The following PCSK6 variants were observed in gnomAD, a reference collection of about 807,000 sequenced individuals.
PCSK6 encodes the protein proprotein convertase subtilisin/kexin type 6.
Under a neutral mutation model 123.3 loss-of-function variants are expected in PCSK6, and 85 were observed. The observed-to-expected ratio is 0.69, with a 90% CI of 0.58 to 0.83. PCSK6 has a LOEUF of 0.83. Ranked by LOEUF, PCSK6 falls within the 40% of genes least tolerant of loss-of-function variation. The pLI is 0.00. For missense variants in PCSK6, 1,191 were observed against 1,282.3 expected, an observed-to-expected ratio of 0.93 and a Z score of 1.09; for synonymous variants, 508 against 516.0, an observed-to-expected ratio of 0.98 and a Z score of 0.21.
chr15:101,380,828 T>C (rs991070446), intron 11 of PCSK6, among the ~76,000 whole-genome samples: 3 of 152,246 alleles, frequency 2.0e-5, no homozygotes, highest in Non-Finnish European at 4.4e-5. Flanking sequence ...CCTGTATTTG[T>C]TGATAAAGAA....
At chr15:101,308,130 G>C (rs529601322) in intron 20 of PCSK6, 1 of 152,256 alleles carries the variant, frequency 6.6e-6, no homozygotes, top group Non-Finnish European at 1.5e-5. Context: ...GATGCGGGCC[G>C]AGTGCTTGAA....
In PCSK6 at chr15:101,357,680, T is replaced by C. The variant is rs1012994885; in HGVS notation, c.1858+8516A>G. Among the ~76,000 whole-genome samples, 5 of 152,234 alleles carry C rather than the reference T, an allele frequency of 3.3e-5. No homozygotes were observed. In the East Asian group the frequency reaches 9.6e-4, roughly 29 times the overall value. On this transcript the variant is annotated intron_variant, in intron 13 of 21. Coordinates refer to ENST00000611716, the MANE Select transcript of PCSK6 (RefSeq NM_002570.5). ...ACCTGGCGTGGCCTCACAGGCATGC[T>C]CTGGGGGTAGGTCTTATTGCGAACA... is the stretch of plus-strand genomic sequence containing the variant.
intron 1 of PCSK6, among the ~76,000 whole-genome samples, chr15:101,455,493 G>C (rs1032332370): frequency 2.6e-5 from 4 of 152,248 alleles, no homozygotes; most frequent in African/African-American, 9.6e-5. Flanking sequence ...TGGGTGGTGA[G>C]AGTGTCAGCC....
At chr15:101,319,240 T>A (rs1302737018) in intron 18 of PCSK6, among the ~76,000 whole-genome samples, 1 of 152,224 alleles carries the variant, frequency 6.6e-6, no homozygotes, top group African/African-American at 2.4e-5. Flanking sequence ...TATCACCTAC[T>A]ATTATCTCTT....
chr15:101,429,148 G>A (rs1261568780), intron 5 of PCSK6, among the ~76,000 whole-genome samples: 1 of 152,166 alleles, frequency 6.6e-6, no homozygotes, highest in Non-Finnish European at 1.5e-5. Flanking sequence ...TGTCAACAGT[G>A]GGGAGGAAGA....
At position 101,462,635 on chromosome 15, in the gene PCSK6, G is replaced by A. The variant is rs1817230370; in HGVS notation, c.298-18975C>T. Among the ~76,000 whole-genome samples, 3 of 152,180 alleles carry A rather than the reference G, an allele frequency of 2.0e-5. No individual in the cohort carries two copies. In the South Asian group the frequency reaches 6.2e-4, roughly 32 times the overall value. On this transcript the variant is annotated intron_variant, in intron 1 of 21. Coordinates refer to ENST00000611716, the MANE Select transcript of PCSK6 (RefSeq NM_002570.5). ...ATGCAAATACAGAACTTGATTTACTGATAGAATATCAGTGTTGAAAGGAGG... is the reference window on the plus strand; with the variant it reads ...ATGCAAATACAGAACTTGATTTACTAATAGAATATCAGTGTTGAAAGGAGG...
intron 6 of PCSK6, among the ~76,000 whole-genome samples, chr15:101,410,199 C>T (rs2042906032): frequency 6.6e-6 from 1 of 152,206 alleles, no homozygotes; most frequent in Admixed American, 6.5e-5. Context: ...TCCCAAACTG[C>T]AGGGATTTTG....
chr15:101,398,704 A>G lies in PCSK6; in HGVS notation c.824-128T>C. 2.0e-6 allele frequency: 2 copies of G among 1,014,574 alleles called. No individual in the cohort carries two copies. The highest frequency in any genetic ancestry group is 2.8e-6 in the Non-Finnish European group (2 of 716,746). The allele number at this position is 1,014,574 out of a possible 1,614,324, so 62.8% of individuals were successfully genotyped here. On this transcript the variant is annotated intron_variant, in intron 6 of 21. Coordinates refer to ENST00000611716, the MANE Select transcript of PCSK6 (RefSeq NM_002570.5). The surrounding 1 kb of genome is among the most constrained non-coding windows in gnomAD (Gnocchi z 4.6). ...TCCCTCCCCAGCAGGGGCTGTTCCC[A>G]GTCATTCTGCAAAACTGGCTCCTCT...
chr15:101,405,017 T>C (rs989228753), intron 6 of PCSK6, among the ~76,000 whole-genome samples: 3 of 152,198 alleles, frequency 2.0e-5, no homozygotes, highest in Non-Finnish European at 1.5e-5. Context: ...GGAAAAAGAC[T>C]GACTGATGTG....
chr15:101,473,142 A>G (rs1390196497), intron 1 of PCSK6, among the ~76,000 whole-genome samples: 1 of 152,182 alleles, frequency 6.6e-6, no homozygotes, highest in Non-Finnish European at 1.5e-5. Flanking sequence ...TGGCATGATC[A>G]TAGCTCACTG....
intron 6 of PCSK6, among the ~76,000 whole-genome samples, chr15:101,411,055 C>T (rs559399466): frequency 6.6e-6 from 1 of 152,306 alleles, no homozygotes; most frequent in South Asian, 2.1e-4. Context: ...AGGAATAAAA[C>T]TTAGAACGAA....
chr15:101,478,533 C>T (rs1172256867), intron 1 of PCSK6, among the ~76,000 whole-genome samples: 2 of 152,226 alleles, frequency 1.3e-5, no homozygotes, highest in Non-Finnish European at 2.9e-5. Context: ...TCTTCTGTGG[C>T]TTCCCCGGTC....
chr15:101,471,071 A>G (rs1375014291), intron 1 of PCSK6, among the ~76,000 whole-genome samples: 1 of 152,086 alleles, frequency 6.6e-6, no homozygotes, highest in Non-Finnish European at 1.5e-5. Flanking sequence ...GACTCTGCTC[A>G]TTTACATTTA....
At chr15:101,368,327 G>A (rs948968989) in intron 12 of PCSK6, among the ~76,000 whole-genome samples, 3 of 152,214 alleles carry the variant, frequency 2.0e-5, no homozygotes, top group Non-Finnish European at 2.9e-5. Context: ...TTGTGGGTCA[G>A]GTAGCCGGAC....
chr15:101,370,418 G>C lies in PCSK6; in HGVS notation c.1638C>G (p.Thr546=), dbSNP rs775395968. Residue 546 remains threonine, a synonymous_variant, in exon 12 of 22, where the codon ACC becomes ACG. Coordinates refer to ENST00000611716, the MANE Select transcript of PCSK6 (RefSeq NM_002570.5). The part of the protein sequence containing the change: ...VVYLEHVVVR[T]SISHPRRGDL... ...CTCCTCGGCGTGGGTGTGAGATGGA[G>C]GTGCGAACCACCACGTGCTCCAAGT... 1.9e-6 allele frequency: 3 copies of C among 1,552,560 alleles called. No individual in the cohort carries two copies. The highest frequency in any genetic ancestry group is 2.4e-5 in the South Asian group (2 of 84,074).
At chr15:101,372,987 G>A (rs1368910268) in intron 11 of PCSK6, among the ~76,000 whole-genome samples, 3 of 151,386 alleles carry the variant, frequency 2.0e-5, no homozygotes, top group Admixed American at 6.6e-5. Flanking sequence ...AGGGATGAGA[G>A]AACGGGAGCA....
At chr15:101,390,513 G>C (rs1396568659) in intron 8 of PCSK6, among the ~76,000 whole-genome samples, 1 of 152,234 alleles carries the variant, frequency 6.6e-6, no homozygotes, top group Non-Finnish European at 1.5e-5. Context: ...AAGGCAGCAA[G>C]GCTGTTTGAG....
chr15:101,435,018 T>C (rs914704363), intron 2 of PCSK6, among the ~76,000 whole-genome samples: 2 of 152,224 alleles, frequency 1.3e-5, no homozygotes, highest in Admixed American at 6.5e-5. Flanking sequence ...CCTGTGTGTC[T>C]GGCGCTAGGT....
At chr15:101,360,594 GC>G (rs71456894) in intron 13 of PCSK6, among the ~76,000 whole-genome samples, 9 of 78,462 alleles carry the variant, frequency 1.1e-4, no homozygotes, top group East Asian at 9.8e-4. Context: ...GGGGGCCTTA[GC>G]ATCCCCTGGA....
Sources: allele counts gnomAD v4.1 joint callset (sites outside exome capture counted in the v4.1 genomes callset), GRCh38; gene constraint gnomAD v4.1.1; non-coding constraint Gnocchi (gnomAD v3.1); transcripts MANE v1.5; gene names NCBI Gene and HGNC (gene_info 2026-07-23, HGNC 2026-07-21).